The following ENTREP3 variants were observed in gnomAD, a reference collection of about 807,000 sequenced individuals.
ENTREP3 encodes the protein endosomal transmembrane epsin interactor 3.
chr1:155,254,321 C>T, the ENTREP3 span: 7 of 1,549,978 alleles, frequency 4.5e-6, no homozygotes, highest in African/African-American at 9.5e-5. This position sits in a 1 kb window ranked among gnomAD's most constrained non-coding sequence, Gnocchi z 4.4. Flanking sequence ...GAGCCAGTTC[C>T]CTTCTTGAGG....
the ENTREP3 span, chr1:155,248,162 G>A: frequency 5.0e-6 from 8 of 1,614,072 alleles, no homozygotes; most frequent in Non-Finnish European, 5.9e-6. Context: ...GTCCCCCAGG[G>A]AGTGGGCAGG....
At chr1:155,248,194 A>G in the ENTREP3 span, 14 of 1,609,696 alleles carry the variant, frequency 8.7e-6, no homozygotes, top group Non-Finnish European at 1.0e-5. Context: ...AGGGCAGGGG[A>G]ACTTTTTGGA....
the ENTREP3 span, chr1:155,251,793 A>G: frequency 6.3e-7 from 1 of 1,590,834 alleles, no homozygotes. Flanking sequence ...CGGTGGGGGC[A>G]CAGGCGGGAC....
At chr1:155,250,833 AG>A in the ENTREP3 span, 2 of 1,590,320 alleles carry the variant, frequency 1.3e-6, no homozygotes. This position sits in a 1 kb window ranked among gnomAD's most constrained non-coding sequence, Gnocchi z 5.4. Flanking sequence ...TGTGGGCGGC[AG>A]GGGGCGCTGT....
At chr1:155,251,668 A>G in the ENTREP3 span, 1 of 1,606,708 alleles carries the variant, frequency 6.2e-7, no homozygotes, top group Non-Finnish European at 8.5e-7. Flanking sequence ...CCCTCTCTCC[A>G]GCAATCCAGG....
the ENTREP3 span, chr1:155,251,211 C>A: frequency 3.4e-5 from 48 of 1,432,806 alleles, no homozygotes; most frequent in Non-Finnish European, 4.5e-5. Context: ...CACTGAACAC[C>A]CCCATGTGCT....
chr1:155,253,821 G>C, the ENTREP3 span: 2 of 1,611,878 alleles, frequency 1.2e-6, no homozygotes, highest in Non-Finnish European at 1.7e-6. Context: ...GGAGGCAAGA[G>C]TGAGAACCAG....
chr1:155,251,074 C>A, the ENTREP3 span: 140 of 1,605,330 alleles, frequency 8.7e-5, no homozygotes, highest in South Asian at 1.4e-3. Context: ...CCTTGTCCAC[C>A]CCTCATTACG....
At chr1:155,251,058 C>A in the ENTREP3 span, 1 of 1,584,356 alleles carries the variant, frequency 6.3e-7, no homozygotes, top group Non-Finnish European at 8.6e-7. Context: ...TCCCTGGCAG[C>A]CCCGCCCTTG....
the ENTREP3 span, chr1:155,247,320 G>C: frequency 2.2e-6 from 1 of 456,594 alleles, no homozygotes; most frequent in African/African-American, 2.0e-5. Context: ...GGGTTACATA[G>C]CTTGCCCAAG....
the ENTREP3 span, chr1:155,248,267 C>T: frequency 5.0e-6 from 8 of 1,599,150 alleles, no homozygotes; most frequent in East Asian, 2.2e-5. Flanking sequence ...GGAAGGGCAG[C>T]GGGCTAGGCG....
chr1:155,253,334 C>T, the ENTREP3 span: 42 of 331,768 alleles, frequency 1.3e-4, no homozygotes, highest in East Asian at 7.3e-4. Flanking sequence ...AATGAGCCAC[C>T]GTGCCCAGCA....
the ENTREP3 span, chr1:155,254,937 G>A: frequency 1.4e-6 from 2 of 1,384,016 alleles, no homozygotes; most frequent in African/African-American, 1.4e-5. This position sits in a 1 kb window ranked among gnomAD's most constrained non-coding sequence, Gnocchi z 4.4. Context: ...GAGCATCTCA[G>A]AGGCGCCCAA....
the ENTREP3 span, chr1:155,253,853 G>A: frequency 6.2e-7 from 1 of 1,613,144 alleles, no homozygotes; most frequent in Admixed American, 1.7e-5. Flanking sequence ...CAGGGTGCAA[G>A]CTCACCTTGA....
At chr1:155,250,567 G>A in the ENTREP3 span, 5 of 1,596,006 alleles carry the variant, frequency 3.1e-6, no homozygotes. This position sits in a 1 kb window ranked among gnomAD's most constrained non-coding sequence, Gnocchi z 5.4. Flanking sequence ...GGAGCTTCAG[G>A]GGCAGAGCAG....
the ENTREP3 span, chr1:155,251,781 G>A: frequency 1.9e-6 from 3 of 1,604,456 alleles, no homozygotes; most frequent in Non-Finnish European, 2.5e-6. Context: ...GGGATAGTAG[G>A]GCGGTGGGGG....
At chr1:155,247,969 C>T in the ENTREP3 span, 4 of 1,607,100 alleles carry the variant, frequency 2.5e-6, no homozygotes, top group Non-Finnish European at 3.4e-6. Context: ...GACAGGGACA[C>T]AAGAAAGGGC....
chr1:155,254,294 G>A, the ENTREP3 span: 123 of 1,505,428 alleles, frequency 8.2e-5, 2 homozygotes, highest in South Asian at 1.3e-3. This position sits in a 1 kb window ranked among gnomAD's most constrained non-coding sequence, Gnocchi z 4.4. Flanking sequence ...GTGCCCACCC[G>A]GCTGGCACCA....
the ENTREP3 span, chr1:155,253,485 A>G: frequency 3.3e-6 from 2 of 611,488 alleles, no homozygotes; most frequent in Admixed American, 3.2e-5. Flanking sequence ...CATTCCTCCA[A>G]TAGATGAGGA....
Sources: allele counts gnomAD v4.1 joint callset, GRCh38; gene constraint gnomAD v4.1.1; non-coding constraint Gnocchi (gnomAD v3.1); transcripts MANE v1.5; gene names NCBI Gene and HGNC (gene_info 2026-07-23, HGNC 2026-07-21).